The following SLC7A7 variants were observed in gnomAD, a reference collection of about 807,000 sequenced individuals.
SLC7A7 encodes the protein solute carrier family 7 member 7, also known as Y+L amino acid transporter 1.
Under a neutral mutation model 47.9 loss-of-function variants are expected in SLC7A7, and 39 were observed. The ratio of observed to expected loss-of-function variants is 0.81; its 90% CI spans 0.63 to 1.06. SLC7A7 has a LOEUF of 1.06. Among genes scored for constraint, SLC7A7 ranks in the 50% least tolerant of loss-of-function variants. The pLI is 0.00. For missense variants in SLC7A7, 588 were observed against 632.0 expected (o/e 0.93, Z 0.75); for synonymous variants, 234 against 242.8 (o/e 0.96, Z 0.34).
chr14:22,786,961 C>CAA (rs1008290381), intron 2 of SLC7A7, among the ~76,000 whole-genome samples: 90 of 152,250 alleles, frequency 5.9e-4, no homozygotes, highest in African/African-American at 2.0e-3. Context: ...GATTTTTTCC[C>CAA]CCCAGATACA....
At chr14:22,810,752 C>T (rs1032406061) in intron 2 of SLC7A7, among the ~76,000 whole-genome samples, 27 of 152,058 alleles carry the variant, frequency 1.8e-4, no homozygotes, top group African/African-American at 5.1e-4. Context: ...CCAAGGCGGG[C>T]GGATCACCTG....
intron 7 of SLC7A7, 93 bp from the exon 8 acceptor site, chr14:22,774,596 C>T: frequency 1.3e-6 from 2 of 1,541,076 alleles, no homozygotes; most frequent in Non-Finnish European, 1.8e-6. Context: ...CATCCCCTGT[C>T]AATCCTCAAA....
chr14:22,813,551 C>T, intron 1 of SLC7A7, 111 bp from the exon 2 acceptor site: 1 of 813,320 alleles, frequency 1.2e-6, no homozygotes, highest in South Asian at 1.5e-5. Flanking sequence ...ATGCGGAGAC[C>T]TCCAAATAAC....
chr14:22,814,603 AC>A (rs1353625601), intron 1 of SLC7A7: 1 of 152,156 alleles, frequency 6.6e-6, no homozygotes, highest in African/African-American at 2.4e-5. Flanking sequence ...TAATGGCTTG[AC>A]CCCGAGTTTT....
intron 2 of SLC7A7, among the ~76,000 whole-genome samples, chr14:22,811,629 C>A (rs1178413543): frequency 1.3e-5 from 2 of 152,150 alleles, no homozygotes; most frequent in Non-Finnish European, 2.9e-5. Flanking sequence ...GCAGGTAGAT[C>A]ACTTGAGCTC....
intron 2 of SLC7A7, 141 bp from the exon 3 acceptor site, chr14:22,780,192 G>C: frequency 8.6e-7 from 1 of 1,168,814 alleles, no homozygotes. Context: ...CTCTGCACTG[G>C]AACCCTCGGG....
chr14:22,792,130 C>T (rs921074742), intron 2 of SLC7A7, among the ~76,000 whole-genome samples: 22 of 152,204 alleles, frequency 1.4e-4, no homozygotes, highest in African/African-American at 5.1e-4. Flanking sequence ...CCACCGCGCC[C>T]GGCCTGGAAA....
At chr14:22,785,733 A>C (rs1235008601) in intron 2 of SLC7A7, among the ~76,000 whole-genome samples, 1 of 150,042 alleles carries the variant, frequency 6.7e-6, no homozygotes, top group Non-Finnish European at 1.5e-5. Flanking sequence ...TCTCAAAAAA[A>C]AAAAAAAAAG....
chr14:22,773,605 G>T lies in SLC7A7; in HGVS notation c.*5C>A, dbSNP rs755180352. The T allele has an allele frequency of 1.2e-6, 2 of 1,607,976 alleles. No individual in the cohort carries two copies. The highest frequency in any genetic ancestry group is 1.7e-6 in the Non-Finnish European group (2 of 1,174,414). On this transcript the variant is annotated 3_prime_UTR_variant, in exon 10 of 10. Coordinates refer to ENST00000674313, the MANE Select transcript of SLC7A7 (RefSeq NM_003982.4). The stretch of plus-strand genomic sequence containing the variant: ...TGCTTTCCACATCAGGATTCCAGAT[G>T]GTGTTTAGTTAGATTTGGGATCCCG...
At chr14:22,816,687 C>T (rs2039411888), upstream of SLC7A7, among the ~76,000 whole-genome samples, 1 of 152,050 alleles carries the variant, frequency 6.6e-6, no homozygotes, top group African/African-American at 2.4e-5. Context: ...GAAATAGACC[C>T]TATCCATTCT....
At chr14:22,803,231 C>A (rs1433481020) in intron 2 of SLC7A7, among the ~76,000 whole-genome samples, 1 of 152,038 alleles carries the variant, frequency 6.6e-6, no homozygotes, top group Non-Finnish European at 1.5e-5. Context: ...ACCAGCCTGA[C>A]TAACATGGTG....
At chr14:22,818,695 C>T (rs576739323), upstream of SLC7A7, among the ~76,000 whole-genome samples, 2 of 151,854 alleles carry the variant, frequency 1.3e-5, no homozygotes, top group South Asian at 4.2e-4. Flanking sequence ...CTCTGCCTCC[C>T]GGGTTCTCCT....
At chr14:22,789,518 C>T (rs1386331891) in intron 2 of SLC7A7, among the ~76,000 whole-genome samples, 1 of 151,676 alleles carries the variant, frequency 6.6e-6, no homozygotes, top group Non-Finnish European at 1.5e-5. Context: ...ATCCCAGCTA[C>T]TCAGGAGGCT....
At chr14:22,793,020 C>T (rs182594443) in intron 2 of SLC7A7, among the ~76,000 whole-genome samples, 1,721 of 151,412 alleles carry the variant, frequency 0.011, 28 homozygotes, top group African/African-American at 0.039. Context: ...GGGTTCATGC[C>T]GTTCTCCTGC....
At chr14:22,789,617 G>A (rs868465265) in intron 2 of SLC7A7, among the ~76,000 whole-genome samples, 43 of 120,634 alleles carry the variant, frequency 3.6e-4, no homozygotes, top group South Asian at 2.2e-3. Context: ...AACAGAGCAA[G>A]ACTCTGGCTC....
At chr14:22,818,966 CA>C (rs2039442444), upstream of SLC7A7, among the ~76,000 whole-genome samples, 3 of 152,128 alleles carry the variant, frequency 2.0e-5, no homozygotes, top group Non-Finnish European at 4.4e-5. Context: ...GAGATGCATT[CA>C]TCTCTGAACA....
At chr14:22,773,908 G>C in intron 9 of SLC7A7, 25 bp downstream of exon 9, 1 of 1,613,574 alleles carries the variant, frequency 6.2e-7, no homozygotes, top group South Asian at 1.1e-5. Context: ...CAATAGCTGA[G>C]CGGACTTAAG....
intron 2 of SLC7A7, among the ~76,000 whole-genome samples, chr14:22,790,899 G>C (rs1373314171): frequency 6.6e-6 from 1 of 151,512 alleles, no homozygotes; most frequent in East Asian, 1.9e-4. Flanking sequence ...TGGGGAGGCT[G>C]AGGCAGGAGA....
chr14:22,814,084 C>T (rs2039369791), intron 1 of SLC7A7, among the ~76,000 whole-genome samples: 4 of 151,756 alleles, frequency 2.6e-5, no homozygotes. Context: ...GCCACCTTGC[C>T]CAGCCTCCAA....
Sources: allele counts gnomAD v4.1 joint callset (sites outside exome capture counted in the v4.1 genomes callset), GRCh38; gene constraint gnomAD v4.1.1; transcripts MANE v1.5; gene names NCBI Gene and HGNC (gene_info 2026-07-23, HGNC 2026-07-21).